The following CTNNA3 variants were observed in gnomAD, a reference collection of about 807,000 sequenced individuals.
The protein encoded by CTNNA3 is catenin alpha 3.
In CTNNA3, 76 loss-of-function variants were observed where a neutral mutation model predicts 95.7. That is an observed-to-expected ratio of 0.79 (90% CI 0.66 to 0.96). The LOEUF (loss-of-function observed/expected upper bound fraction) is 0.96. Ranked by LOEUF, CTNNA3 falls within the 40% of genes least tolerant of loss-of-function variation. The pLI, the probability that CTNNA3 is intolerant of heterozygous loss-of-function variation, is 0.00. For missense variants in CTNNA3, 1,191 were observed against 1,089.8 expected, an observed-to-expected ratio of 1.09 and a Z score of -1.31; for synonymous variants, 431 against 374.4, an observed-to-expected ratio of 1.15 and a Z score of -1.74.
intron 7 of CTNNA3, among the ~76,000 whole-genome samples, chr10:66,838,230 G>A (rs181597122): frequency 2.0e-5 from 3 of 152,142 alleles, no homozygotes; most frequent in African/African-American, 7.2e-5. Flanking sequence ...CAATTACAGA[G>A]GAGCACTCAC....
intron 3 of CTNNA3, among the ~76,000 whole-genome samples, chr10:67,552,360 T>A (rs1359491083): frequency 6.6e-6 from 1 of 152,184 alleles, no homozygotes; most frequent in Non-Finnish European, 1.5e-5. Context: ...CAATACTATT[T>A]TTTTTCTTCA....
rs58825358 is a variant in CTNNA3 at position 67,647,773 on chromosome 10, A to C, written c.-5-255T>G. Among the ~76,000 whole-genome samples the C allele has an allele frequency of 0.086, 13,155 of 152,230 alleles. 1,304 individuals carry two copies. Among genetic ancestry groups the C allele is most frequent in the African/African-American group, 0.24 (10,120 of 41,492 alleles). On this transcript the variant is annotated intron_variant, in intron 1 of 17. Coordinates refer to ENST00000433211, the MANE Select transcript of CTNNA3 (RefSeq NM_013266.4). Reference sequence around the variant, plus strand: ...ACACAAGTATGTTCATGATTAAATTAACAACTCATCCGGGGTGGGTTTGTA... The same window carrying C: ...ACACAAGTATGTTCATGATTAAATTCACAACTCATCCGGGGTGGGTTTGTA...
intron 15 of CTNNA3, among the ~76,000 whole-genome samples, chr10:65,991,489 A>C (rs1196859845): frequency 6.6e-6 from 1 of 151,794 alleles, no homozygotes; most frequent in Admixed American, 6.6e-5. Flanking sequence ...GTTTGGTTAA[A>C]ATTATTCCTA....
Position 67,492,953 on chromosome 10 carries a change from T to A in CTNNA3, c.579+28889A>T, listed in dbSNP as rs189403646. 9.2e-5 allele frequency among the ~76,000 whole-genome samples: 14 copies of A among 152,206 alleles called. No homozygotes were observed. In the East Asian group the frequency reaches 2.7e-3, roughly 29 times the overall value. ...GGAATCATAGAAAAAGAAAAGACCA[T>A]GGAAACCTCCCCTCCTCTACAATTA... On this transcript the variant is annotated intron_variant, in intron 5 of 17. Coordinates refer to ENST00000433211, the MANE Select transcript of CTNNA3 (RefSeq NM_013266.4).
At chr10:66,116,162 T>C (rs958327185) in intron 13 of CTNNA3, among the ~76,000 whole-genome samples, 1 of 152,230 alleles carries the variant, frequency 6.6e-6, no homozygotes, top group Non-Finnish European at 1.5e-5. Flanking sequence ...AATACATCAT[T>C]GTATAAGATG....
intron 5 of CTNNA3, among the ~76,000 whole-genome samples, chr10:67,426,937 A>G (rs895800654): frequency 6.6e-6 from 1 of 152,092 alleles, no homozygotes; most frequent in African/African-American, 2.4e-5. Context: ...ACAGGAAGAA[A>G]CAGTATTTTT....
chr10:66,640,069 T>C (rs1410256626), intron 9 of CTNNA3, among the ~76,000 whole-genome samples: 1 of 152,168 alleles, frequency 6.6e-6, no homozygotes, highest in Non-Finnish European at 1.5e-5. Flanking sequence ...ATTAAAAGTT[T>C]TGGAAAACAC....
chr10:67,417,702 A>AATTGGATTAAATCCAGTTTGG (rs1483655164), intron 5 of CTNNA3, among the ~76,000 whole-genome samples: 4 of 151,912 alleles, frequency 2.6e-5, no homozygotes, highest in Non-Finnish European at 4.4e-5. Context: ...ATCCAATTTA[A>AATTGGATTAAATCCAGTTTGG]ATTGGATTAA....
intron 7 of CTNNA3, among the ~76,000 whole-genome samples, chr10:67,086,990 A>C (rs1227156673): frequency 2.0e-5 from 3 of 152,022 alleles, no homozygotes; most frequent in African/African-American, 7.2e-5. Context: ...TTTCATACTG[A>C]TTAGCAACTG....
intron 5 of CTNNA3, among the ~76,000 whole-genome samples, chr10:67,507,314 C>A (rs923073336): frequency 2.6e-5 from 4 of 151,854 alleles, no homozygotes; most frequent in Admixed American, 1.3e-4. Context: ...TGGATCACGA[C>A]GTCAGCAGTT....
chr10:66,987,488 A>C lies in CTNNA3; in HGVS notation c.1047+192829T>G, dbSNP rs188808170. 2.3e-3 allele frequency among the ~76,000 whole-genome samples: 344 copies of C among 152,218 alleles called. 2 individuals are homozygous for C. The highest frequency in any genetic ancestry group is 0.02 in the Admixed American group (305 of 15,274). ...TTAGCAATCCGAGATGCCCAGAAAG[A>C]CTTTGTTATTTGTTTGTTTAATTTA... On this transcript the variant is annotated intron_variant, in intron 7 of 17. Transcript: ENST00000433211.
chr10:67,419,777 G>T (rs1317636946), intron 5 of CTNNA3, among the ~76,000 whole-genome samples: 3 of 152,126 alleles, frequency 2.0e-5, no homozygotes, highest in African/African-American at 7.2e-5. Flanking sequence ...AAAAACACCA[G>T]TACAGTAGCT....
At chr10:66,033,370 C>T (rs975853863) in intron 15 of CTNNA3, among the ~76,000 whole-genome samples, 4 of 152,016 alleles carry the variant, frequency 2.6e-5, no homozygotes, top group African/African-American at 9.7e-5. Context: ...CTCCTGACCT[C>T]GTGGTCTGCC....
chr10:66,206,117 C>T (rs935330287), intron 13 of CTNNA3, among the ~76,000 whole-genome samples: 1 of 151,742 alleles, frequency 6.6e-6, no homozygotes, highest in African/African-American at 2.4e-5. Flanking sequence ...AAATTTAGTC[C>T]TTTTACTAGG....
At chr10:67,155,253 A>G (rs1477013742) in intron 7 of CTNNA3, among the ~76,000 whole-genome samples, 1 of 152,188 alleles carries the variant, frequency 6.6e-6, no homozygotes, top group Non-Finnish European at 1.5e-5. Context: ...GATACTAAGG[A>G]AGAGAGGTAA....
At chr10:67,216,767 G>A (rs2132256778) in intron 6 of CTNNA3, among the ~76,000 whole-genome samples, 1 of 152,322 alleles carries the variant, frequency 6.6e-6, no homozygotes, top group Non-Finnish European at 1.5e-5. Flanking sequence ...AATGACAACA[G>A]CTGCTTTTTC....
intron 7 of CTNNA3, among the ~76,000 whole-genome samples, chr10:66,785,819 T>C (rs1213684217): frequency 6.6e-6 from 1 of 152,212 alleles, no homozygotes; most frequent in Non-Finnish European, 1.5e-5. Flanking sequence ...ATATTTTATC[T>C]GTGCCAGATT....
At chr10:67,498,941 G>A (rs1839135862) in intron 5 of CTNNA3, among the ~76,000 whole-genome samples, 1 of 152,154 alleles carries the variant, frequency 6.6e-6, no homozygotes, top group African/African-American at 2.4e-5. Flanking sequence ...TCTCTTGCCT[G>A]ATTGCCCTGG....
intron 10 of CTNNA3, among the ~76,000 whole-genome samples, chr10:66,565,324 A>T (rs182990151): frequency 0.023 from 3,445 of 152,228 alleles, 79 homozygotes; most frequent in East Asian, 0.055. Context: ...TGGAGAGAGA[A>T]ATAAGTAAAA....
Sources: allele counts gnomAD v4.1 joint callset (sites outside exome capture counted in the v4.1 genomes callset), GRCh38; gene constraint gnomAD v4.1.1; transcripts MANE v1.5; gene names NCBI Gene and HGNC (gene_info 2026-07-23, HGNC 2026-07-21).